The following RASA3 variants were observed in gnomAD, a reference collection of about 807,000 sequenced individuals.
RASA3 encodes the protein ras GTPase-activating protein 3.
In RASA3, 73 loss-of-function variants were observed where a neutral mutation model predicts 110.0. That is an observed-to-expected ratio of 0.66 (90% CI 0.55 to 0.81). The LOEUF (loss-of-function observed/expected upper bound fraction) is 0.81. Among genes scored for constraint, RASA3 ranks in the 30% least tolerant of loss-of-function variants. RASA3 has a pLI of 0.00. For missense variants in RASA3, 976 were observed against 1,113.2 expected (o/e 0.88, Z 1.75); for synonymous variants, 500 against 451.4 (o/e 1.11, Z -1.37).
At chr13:114,059,102 C>T (rs543074143) in intron 2 of RASA3, among the ~76,000 whole-genome samples, 1 of 152,288 alleles carries the variant, frequency 6.6e-6, no homozygotes, top group South Asian at 2.1e-4. Context: ...TGCTTGAGCC[C>T]GGGGTTCCAG....
intron 1 of RASA3, among the ~76,000 whole-genome samples, chr13:114,094,868 G>A (rs1014290969): frequency 2.6e-5 from 4 of 152,118 alleles, no homozygotes; most frequent in Admixed American, 6.5e-5. Context: ...AGACCGAGGC[G>A]CGGGCTCCCC....
intron 21 of RASA3, among the ~76,000 whole-genome samples, chr13:113,996,112 T>C (rs1594289526): frequency 2.5e-5 from 3 of 120,680 alleles, no homozygotes; most frequent in South Asian, 2.9e-4. Context: ...ACCCGGCTGA[T>C]GGGGGGCCGG....
At chr13:114,004,398 A>G (rs980353331) in intron 18 of RASA3, among the ~76,000 whole-genome samples, 1 of 151,626 alleles carries the variant, frequency 6.6e-6, no homozygotes, top group African/African-American at 2.4e-5. Flanking sequence ...AAAAAATTTA[A>G]AAGTGGCCAA....
intron 1 of RASA3, among the ~76,000 whole-genome samples, chr13:114,109,191 G>A (rs1174423168): frequency 1.3e-5 from 2 of 152,212 alleles, no homozygotes; most frequent in African/African-American, 4.8e-5. Flanking sequence ...GTCACAGGAC[G>A]TTCAGGTGGC....
intron 18 of RASA3, among the ~76,000 whole-genome samples, chr13:114,004,766 A>G (rs560521925): frequency 7.3e-4 from 111 of 152,334 alleles, no homozygotes; most frequent in African/African-American, 2.7e-3. Context: ...CGATCCAGCA[A>G]TCCCACACCA....
At chr13:114,068,580 G>A (rs1363478478) in intron 2 of RASA3, among the ~76,000 whole-genome samples, 1 of 152,192 alleles carries the variant, frequency 6.6e-6, no homozygotes, top group African/African-American at 2.4e-5. Context: ...TGGGGAGCGG[G>A]GTCATCTCCT....
intron 1 of RASA3, among the ~76,000 whole-genome samples, chr13:114,100,772 A>C (rs2080048183): frequency 6.6e-6 from 1 of 152,100 alleles, no homozygotes; most frequent in African/African-American, 2.4e-5. Context: ...ACCCTTCGAG[A>C]AACACTCCAA....
intron 1 of RASA3, 99 bp from the exon 2 acceptor site, chr13:114,073,936 T>A: frequency 9.7e-7 from 1 of 1,027,638 alleles, no homozygotes; most frequent in Non-Finnish European, 1.5e-6. Flanking sequence ...GTGCATTCAC[T>A]AGCTCTCTAT....
At chr13:114,001,030 G>A in intron 18 of RASA3, 98 bp from the exon 19 acceptor site, 2 of 766,296 alleles carry the variant, frequency 2.6e-6, no homozygotes, top group Non-Finnish European at 2.3e-6. Context: ...TGAGACCTGA[G>A]GCAGGCAGTG....
chr13:114,074,031 C>T (rs1415026551), intron 1 of RASA3, among the ~76,000 whole-genome samples, 194 bp from the exon 2 acceptor site: 3 of 152,212 alleles, frequency 2.0e-5, no homozygotes, highest in Non-Finnish European at 4.4e-5. Context: ...ACATGCACGC[C>T]ACCCTCTAAT....
At chr13:114,106,161 A>G (rs1055225460) in intron 1 of RASA3, among the ~76,000 whole-genome samples, 3 of 152,224 alleles carry the variant, frequency 2.0e-5, no homozygotes, top group African/African-American at 7.2e-5. Flanking sequence ...AACTTTCAAT[A>G]ATACATAGAA....
In RASA3 at chr13:114,056,210, T is replaced by C. The variant is rs1249104122; in HGVS notation, c.174-4055A>G. 6.6e-6 allele frequency among the ~76,000 whole-genome samples: 1 copy of C among 152,168 alleles called. No individual in the cohort carries two copies. The highest frequency in any genetic ancestry group is 2.4e-5 in the African/African-American group (1 of 41,416). On this transcript the variant is annotated intron_variant, in intron 2 of 23. Transcript: ENST00000334062. The surrounding 1 kb of genome is among the most constrained non-coding windows in gnomAD (Gnocchi z 5.7). Reference sequence around the variant, plus strand: ...ATGTCTGATGTGTGTCCGATGAATGTCCAGTGCGTGTCCAATGCGTGTCTG... The same window carrying C: ...ATGTCTGATGTGTGTCCGATGAATGCCCAGTGCGTGTCCAATGCGTGTCTG...
intron 4 of RASA3, among the ~76,000 whole-genome samples, chr13:114,034,298 A>C (rs1203108488): frequency 6.6e-6 from 1 of 152,258 alleles, no homozygotes; most frequent in Non-Finnish European, 1.5e-5. Context: ...TCAGGACAGA[A>C]GCGTTCAGAT....
At chr13:114,002,384 C>G (rs1197914142) in intron 18 of RASA3, among the ~76,000 whole-genome samples, 1 of 152,066 alleles carries the variant, frequency 6.6e-6, no homozygotes, top group Non-Finnish European at 1.5e-5. Context: ...CCAGTGGATG[C>G]CGAACGCCGT....
At position 114,115,068 on chromosome 13, in the gene RASA3, C is replaced by G. The variant is rs940438666; in HGVS notation, c.55+17367G>C. Among the ~76,000 whole-genome samples the G allele has an allele frequency of 2.0e-5, 3 of 152,040 alleles. No individual in the cohort carries two copies. The highest frequency in any genetic ancestry group is 2.9e-5 in the Non-Finnish European group (2 of 67,970). The stretch of plus-strand genomic sequence containing the variant: ...GCAGGTTCCCCAGCCCCACCCCCAG[C>G]TGTGAGATGCTGCAGGTCCCGGCAG... On this transcript the variant is annotated intron_variant, in intron 1 of 23. Transcript: ENST00000334062. The surrounding 1 kb of genome is among the most constrained non-coding windows in gnomAD (Gnocchi z 5.0).
chr13:114,024,508 C>T (rs1394391696), intron 7 of RASA3, among the ~76,000 whole-genome samples, 153 bp from the exon 8 acceptor site: 1 of 152,272 alleles, frequency 6.6e-6, no homozygotes, highest in Non-Finnish European at 1.5e-5. Flanking sequence ...ATTCGGGATT[C>T]AGGCCTGGCT....
intron 11 of RASA3, 127 bp downstream of exon 11, chr13:114,017,977 A>AACATGGTTTCTG (rs2053830673): frequency 1.8e-6 from 2 of 1,124,762 alleles, no homozygotes; most frequent in African/African-American, 3.3e-5. Context: ...AACCTGAATC[A>AACATGGTTTCTG]ACATGGTTTC....
chr13:113,988,946 C>G (rs2053033395), intron 22 of RASA3, among the ~76,000 whole-genome samples: 2 of 149,286 alleles, frequency 1.3e-5, no homozygotes, highest in South Asian at 4.3e-4. Context: ...ATCACTCACC[C>G]TGTCCGTACA....
At chr13:114,068,609 G>A (rs1334818184) in intron 2 of RASA3, among the ~76,000 whole-genome samples, 1 of 152,196 alleles carries the variant, frequency 6.6e-6, no homozygotes, top group Non-Finnish European at 1.5e-5. Flanking sequence ...GGTCGTGGGT[G>A]CCGGCCCAGG....
Sources: gnomAD v4.1 joint callset for allele counts (sites outside exome capture counted in the v4.1 genomes callset) on GRCh38, gnomAD v4.1.1 for gene constraint, Gnocchi (gnomAD v3.1) non-coding constraint, MANE v1.5 for transcripts, NCBI Gene and HGNC (gene_info 2026-07-23, HGNC 2026-07-21) for gene names.